PLEKHA8: variants seen among roughly 807,000 people sequenced by gnomAD.
The protein encoded by PLEKHA8 is pleckstrin homology domain containing A8, also known as pleckstrin homology domain-containing family A member 8.
PLEKHA8 carries 36 observed loss-of-function variants against 68.2 expected under a neutral mutation model. The ratio of observed to expected loss-of-function variants is 0.53; its 90% CI spans 0.40 to 0.70. The LOEUF is 0.70. Ranked by LOEUF, PLEKHA8 falls within the 30% of genes least tolerant of loss-of-function variation. The pLI, the probability that PLEKHA8 is intolerant of heterozygous loss-of-function variation, is 0.00. For missense variants in PLEKHA8, 505 were observed against 615.4 expected (o/e 0.82, Z 1.90); for synonymous variants, 211 against 216.1 (o/e 0.98, Z 0.20).
In PLEKHA8 at chr7:30,081,752, A is replaced by T; in HGVS notation, c.*2965A>T. The T allele has an allele frequency of 1.0e-6, 1 of 985,422 alleles. No individual in the cohort carries two copies. The highest frequency in any genetic ancestry group is 1.2e-6 in the Non-Finnish European group (1 of 829,894). 61.0% of individuals were successfully genotyped at this position (985,422 alleles called of 1,614,324 possible). On this transcript the variant is annotated 3_prime_UTR_variant, in exon 14 of 14. Coordinates refer to ENST00000449726, the MANE Select transcript of PLEKHA8 (RefSeq NM_001197026.2). Reference sequence around the variant, plus strand: ...GAAATTGGTCTACTAGGTATTGTAGACACAAATAAGTAACATTAGGCTAAC... The same window carrying T: ...GAAATTGGTCTACTAGGTATTGTAGTCACAAATAAGTAACATTAGGCTAAC...
chr7:30,072,421 A>C (rs941838108), intron 12 of PLEKHA8, among the ~76,000 whole-genome samples: 3 of 152,266 alleles, frequency 2.0e-5, no homozygotes, highest in African/African-American at 7.2e-5. Context: ...TAAAAGTATT[A>C]ATAAAGCCTC....
rs182894509 is a variant in PLEKHA8, at chr7:30,068,279, T to G, written c.1300+5537T>G. Among the ~76,000 whole-genome samples, 58 of 152,348 alleles carry G rather than the reference T, an allele frequency of 3.8e-4. 1 individual carries two copies. The highest frequency in any genetic ancestry group is 1.3e-3 in the African/African-American group (53 of 41,570). The stretch of plus-strand genomic sequence containing the variant: ...TTGCTGCTGTAGTACATAATACAAT[T>G]GGAATGGCTGAACCACATGACTAGA... On this transcript the variant is annotated intron_variant, in intron 12 of 13. Transcript: ENST00000449726.
At chr7:30,078,392 C>T (rs1407127375) in intron 13 of PLEKHA8, among the ~76,000 whole-genome samples, 198 bp from the exon 14 acceptor site, 1 of 152,150 alleles carries the variant, frequency 6.6e-6, no homozygotes, top group Non-Finnish European at 1.5e-5. Flanking sequence ...TTCTTCTAGC[C>T]TTAAAGTTAT....
chr7:30,036,190 AGGTTGCAGTGAGCTAAGG>A (rs1055908001), intron 1 of PLEKHA8, among the ~76,000 whole-genome samples: 2 of 149,064 alleles, frequency 1.3e-5, no homozygotes, highest in African/African-American at 4.9e-5. Context: ...CAGAAGGTGG[AGGTTGCAGTGAGCTAAGG>A]GGTTGCAGTG....
intron 13 of PLEKHA8, among the ~76,000 whole-genome samples, chr7:30,098,772 C>T (rs575471289): frequency 2.6e-5 from 4 of 152,252 alleles, no homozygotes; most frequent in Non-Finnish European, 4.4e-5. Flanking sequence ...TTGACCCTTG[C>T]GCTTCCTGGG....
Position 30,081,250 on chromosome 7 carries a change from AT to A in PLEKHA8, c.*2469del. The A allele has an allele frequency of 1.5e-5, 15 of 985,340 alleles. No individual in the cohort carries two copies. The highest frequency in any genetic ancestry group is 1.4e-5 in the Non-Finnish European group (12 of 829,880). 61.0% of individuals were successfully genotyped at this position (985,340 alleles called of 1,614,324 possible). A position where few individuals can be genotyped will look rare whatever the true frequency, so the allele number is the denominator to read the frequency against. On this transcript the variant is annotated 3_prime_UTR_variant, in exon 14 of 14. Coordinates refer to ENST00000449726, the MANE Select transcript of PLEKHA8 (RefSeq NM_001197026.2). ...TCCACATCTGTAGAAAGAGGGTAAT[AT>A]TTTTTAATAGGTATTTTCCCCACTG...
At chr7:30,109,645 C>T (rs1583478330) in intron 13 of PLEKHA8, among the ~76,000 whole-genome samples, 2 of 134,036 alleles carry the variant, frequency 1.5e-5, no homozygotes, top group African/African-American at 5.5e-5. Context: ...TAACTACAGA[C>T]ATTATTCAGA....
intron 13 of PLEKHA8, among the ~76,000 whole-genome samples, chr7:30,103,992 A>C (rs1233030437): frequency 1.3e-5 from 2 of 152,222 alleles, no homozygotes; most frequent in African/African-American, 2.4e-5. Flanking sequence ...CCAGACTCCT[A>C]CAACTCAATA....
chr7:30,047,150 A>G (rs1792022988), intron 3 of PLEKHA8, among the ~76,000 whole-genome samples: 1 of 152,208 alleles, frequency 6.6e-6, no homozygotes, highest in Non-Finnish European at 1.5e-5. Context: ...CTCTTCTTTT[A>G]ATGCTAAATT....
intron 1 of PLEKHA8, among the ~76,000 whole-genome samples, chr7:30,029,891 T>G (rs1344798212): frequency 6.6e-6 from 1 of 152,252 alleles, no homozygotes; most frequent in Non-Finnish European, 1.5e-5. Context: ...GTGCCCCTAT[T>G]GGGCGTACCC....
At chr7:30,056,843 T>A (rs1793025802) in intron 9 of PLEKHA8, among the ~76,000 whole-genome samples, 1 of 146,216 alleles carries the variant, frequency 6.8e-6, no homozygotes, top group Non-Finnish European at 1.5e-5. Context: ...TATATATATT[T>A]AATAGATAAA....
At chr7:30,052,636 G>A (rs1030127593) in intron 6 of PLEKHA8, 73 bp from the exon 7 acceptor site, 4 of 1,135,582 alleles carry the variant, frequency 3.5e-6, no homozygotes, top group East Asian at 3.1e-5. Flanking sequence ...TGGAGACCCT[G>A]TTTCAAAAAA....
At chr7:30,043,663 C>T (rs898181699) in intron 1 of PLEKHA8, among the ~76,000 whole-genome samples, 6 of 152,190 alleles carry the variant, frequency 3.9e-5, no homozygotes, top group Admixed American at 3.3e-4. Context: ...ATGTTGCCTA[C>T]CTACCCAACT....
chr7:30,083,928 GTCA>G lies in PLEKHA8; in HGVS notation c.*5142_*5144del, dbSNP rs1795069222. The G allele has an allele frequency of 1.0e-6, 1 of 985,362 alleles. No individual in the cohort carries two copies. Among genetic ancestry groups the G allele is most frequent in the Non-Finnish European group, 1.2e-6 (1 of 829,928 alleles). The allele number at this position is 985,362 out of a possible 1,614,324, so 61.0% of individuals were successfully genotyped here. ...GTGTCTGTTTATAGGTGTATATGGA[GTCA>G]GTGTTGATAGGAAGGATGCTCTAGA... On this transcript the variant is annotated 3_prime_UTR_variant, in exon 14 of 14. Transcript: ENST00000449726.
intron 1 of PLEKHA8, among the ~76,000 whole-genome samples, chr7:30,040,284 T>C (rs1419290096): frequency 6.6e-6 from 1 of 152,218 alleles, no homozygotes; most frequent in African/African-American, 2.4e-5. Context: ...AACAATGTCA[T>C]CCAGATTTTC....
rs977678367 is a variant in PLEKHA8 at position 30,073,987 on chromosome 7, T to G, written c.1301-84T>G. On this transcript the variant is annotated intron_variant, in intron 12 of 13. Coordinates refer to ENST00000449726, the MANE Select transcript of PLEKHA8 (RefSeq NM_001197026.2). ...GGTGACAGAGCAAGACCCTGTCTCTTTAAAAAAAAAAAAAGTACATTATAC... is the reference window on the plus strand; with the variant it reads ...GGTGACAGAGCAAGACCCTGTCTCTGTAAAAAAAAAAAAAGTACATTATAC... 2.5e-6 allele frequency: 3 copies of G among 1,178,042 alleles called. No homozygotes were observed. In the East Asian group the frequency reaches 7.8e-5, roughly 31 times the overall value. The allele number at this position is 1,178,042 out of a possible 1,614,324, so 73.0% of individuals were successfully genotyped here.
At position 30,084,226 on chromosome 7, in the gene PLEKHA8, T is replaced by A. The variant is rs1795084689; in HGVS notation, c.*5439T>A. The A allele has an allele frequency of 1.0e-6, 1 of 985,124 alleles. No individual in the cohort carries two copies. The highest frequency in any genetic ancestry group is 6.1e-5 in the Admixed American group (1 of 16,268). The allele number at this position is 985,124 out of a possible 1,614,324, so 61.0% of individuals were successfully genotyped here. A position where few individuals can be genotyped will look rare whatever the true frequency, so the allele number is the denominator to read the frequency against. On this transcript the variant is annotated 3_prime_UTR_variant, in exon 14 of 14. Transcript: ENST00000449726. ...AAAATGTACATAGATTTCCTTGGAT[T>A]AATTTTTAAGTCACTGTTTAATTCC...
intron 1 of PLEKHA8, among the ~76,000 whole-genome samples, chr7:30,038,472 TTAAAA>T (rs1231949707): frequency 6.6e-6 from 1 of 152,126 alleles, no homozygotes; most frequent in East Asian, 1.9e-4. Context: ...TATTTTGAAC[TTAAAA>T]TGAAAGCACA....
At chr7:30,113,125 A>G (rs566620987) in intron 13 of PLEKHA8, among the ~76,000 whole-genome samples, 1 of 152,204 alleles carries the variant, frequency 6.6e-6, no homozygotes, top group East Asian at 1.9e-4. Context: ...GGTGTTTTCT[A>G]CAGTCAGTGG....
Sources: gnomAD v4.1 joint callset for allele counts (sites outside exome capture counted in the v4.1 genomes callset) on GRCh38, gnomAD v4.1.1 for gene constraint, MANE v1.5 for transcripts, NCBI Gene and HGNC (gene_info 2026-07-23, HGNC 2026-07-21) for gene names.